Variants in NRG1 observed in about 807,000 individuals in gnomAD.
NRG1 encodes neuregulin 1, also known as pro-neuregulin-1, membrane-bound isoform.
In NRG1, 18 loss-of-function variants were observed where a neutral mutation model predicts 63.8. The observed-to-expected ratio is 0.28, with a 90% CI of 0.19 to 0.42. The LOEUF is 0.42. NRG1 is among the 10% of genes least tolerant of loss of function. NRG1 has a pLI of 1.00. For missense variants in NRG1, 762 were observed against 814.7 expected (o/e 0.94, Z 0.79); for synonymous variants, 302 against 301.3 (o/e 1.00, Z -0.02).
intron 1 of NRG1, among the ~76,000 whole-genome samples, chr8:32,187,307 C>A (rs16878955): frequency 6.6e-6 from 1 of 152,020 alleles, no homozygotes; most frequent in Admixed American, 6.6e-5. Context: ...ATTTCCATGG[C>A]GTAGTTCTTT....
intron 1 of NRG1, among the ~76,000 whole-genome samples, chr8:32,564,274 T>G (rs1282629855): frequency 6.6e-6 from 1 of 152,224 alleles, no homozygotes; most frequent in Admixed American, 6.5e-5. Context: ...TGAGCAAGCA[T>G]TGGGTGCTTC....
intron 5 of NRG1, among the ~76,000 whole-genome samples, chr8:32,664,307 A>C (rs992933148): frequency 2.0e-5 from 3 of 152,028 alleles, no homozygotes; most frequent in Non-Finnish European, 4.4e-5. Context: ...AGGTGAAAAA[A>C]AAAAACCAAA....
intron 1 of NRG1, among the ~76,000 whole-genome samples, chr8:31,985,134 G>A (rs750923349): frequency 1.3e-5 from 2 of 151,896 alleles, no homozygotes; most frequent in African/African-American, 2.4e-5. Context: ...TGTGAGGTTC[G>A]TAATCTGTTT....
At chr8:32,559,776 C>T (rs532594545) in intron 1 of NRG1, among the ~76,000 whole-genome samples, 1 of 150,606 alleles carries the variant, frequency 6.6e-6, no homozygotes, top group South Asian at 2.1e-4. Flanking sequence ...GTGGGAGCAT[C>T]GCTTGAGCTC....
chr8:32,690,241 A>T (rs761371218), intron 5 of NRG1, among the ~76,000 whole-genome samples: 2 of 152,074 alleles, frequency 1.3e-5, no homozygotes, highest in Non-Finnish European at 2.9e-5. Context: ...GTAAGACCAG[A>T]TTTCCCCTTT....
At chr8:32,267,551 C>A (rs1241429180) in intron 1 of NRG1, among the ~76,000 whole-genome samples, 1 of 152,176 alleles carries the variant, frequency 6.6e-6, no homozygotes, top group East Asian at 1.9e-4. Context: ...GAAGAAAACT[C>A]ACCCAAATTT....
intron 1 of NRG1, among the ~76,000 whole-genome samples, chr8:31,865,572 T>C (rs1000519404): frequency 6.6e-6 from 1 of 152,216 alleles, no homozygotes; most frequent in East Asian, 1.9e-4. Flanking sequence ...GTTCTTGTGA[T>C]AGTGAGTGAG....
intron 1 of NRG1, among the ~76,000 whole-genome samples, chr8:31,908,646 A>T (rs1159473764): frequency 6.6e-6 from 1 of 152,220 alleles, no homozygotes; most frequent in Non-Finnish European, 1.5e-5. Context: ...ATAAAGCAGA[A>T]CTTTGCACAA....
chr8:32,756,947 C>T (rs1438202673), intron 9 of NRG1, among the ~76,000 whole-genome samples: 2 of 152,150 alleles, frequency 1.3e-5, no homozygotes, highest in Non-Finnish European at 1.5e-5. Context: ...GAGTTATTTT[C>T]TTAGGGCAAT....
chr8:32,704,989 T>C (rs1815972414), intron 5 of NRG1, among the ~76,000 whole-genome samples: 1 of 152,188 alleles, frequency 6.6e-6, no homozygotes, highest in African/African-American at 2.4e-5. Flanking sequence ...CTTTAAAAAA[T>C]GTAGAGTTGT....
intron 1 of NRG1, among the ~76,000 whole-genome samples, chr8:31,849,636 C>A (rs962731283): frequency 3.9e-5 from 6 of 152,146 alleles, no homozygotes; most frequent in African/African-American, 1.4e-4. Context: ...ATTGCATTAT[C>A]CTTGAAAGGG....
chr8:32,327,615 C>G (rs1802161905), intron 1 of NRG1, among the ~76,000 whole-genome samples: 2 of 152,140 alleles, frequency 1.3e-5, no homozygotes, highest in Non-Finnish European at 2.9e-5. Flanking sequence ...ATAAAATAAG[C>G]AGAGAAATGA....
chr8:32,673,051 T>C (rs1013812524), intron 5 of NRG1, among the ~76,000 whole-genome samples: 1 of 152,206 alleles, frequency 6.6e-6, no homozygotes, highest in African/African-American at 2.4e-5. Flanking sequence ...GTCTTGACCA[T>C]AGTGTTTATG....
intron 1 of NRG1, among the ~76,000 whole-genome samples, chr8:32,432,427 T>A (rs186725262): frequency 6.6e-6 from 1 of 152,306 alleles, no homozygotes; most frequent in East Asian, 1.9e-4. Context: ...CAAGACCACA[T>A]AATCAGAAGG....
intron 1 of NRG1, among the ~76,000 whole-genome samples, chr8:31,695,719 A>G (rs1288427120): frequency 2.6e-5 from 4 of 152,308 alleles, no homozygotes; most frequent in African/African-American, 7.2e-5. Context: ...AAACCATTCT[A>G]TTTTTTAAGT....
chr8:32,152,286 T>C (rs1222301258), intron 1 of NRG1, among the ~76,000 whole-genome samples: 1 of 152,248 alleles, frequency 6.6e-6, no homozygotes, highest in African/African-American at 2.4e-5. Context: ...GTTCTTCTAT[T>C]TGAAGAAACC....
At chr8:32,676,186 T>C (rs921025224) in intron 5 of NRG1, among the ~76,000 whole-genome samples, 6 of 152,186 alleles carry the variant, frequency 3.9e-5, no homozygotes, top group African/African-American at 1.4e-4. Flanking sequence ...TACCGTCTGG[T>C]GACACTCAGG....
chr8:31,695,322 A>G (rs1281680751), intron 1 of NRG1, among the ~76,000 whole-genome samples: 1 of 152,164 alleles, frequency 6.6e-6, no homozygotes, highest in East Asian at 1.9e-4. Context: ...GGCATGCACC[A>G]CCACGCTAGG....
intron 1 of NRG1, among the ~76,000 whole-genome samples, chr8:32,003,717 T>A (rs1170597595): frequency 2.6e-5 from 4 of 151,924 alleles, no homozygotes; most frequent in Non-Finnish European, 5.9e-5. Flanking sequence ...GTTTCATAAA[T>A]GGTTAACAAA....
Sources: gnomAD v4.1 joint callset for allele counts (sites outside exome capture counted in the v4.1 genomes callset) on GRCh38, gnomAD v4.1.1 for gene constraint, MANE v1.5 for transcripts, NCBI Gene and HGNC (gene_info 2026-07-23, HGNC 2026-07-21) for gene names.